RBMS3: variants seen among roughly 807,000 people sequenced by gnomAD.
RBMS3 encodes RNA binding motif single stranded interacting protein 3, also known as RNA-binding motif, single-stranded-interacting protein 3.
RBMS3 carries 27 observed loss-of-function variants against 66.8 expected under a neutral mutation model. That is an observed-to-expected ratio of 0.40 (90% CI 0.30 to 0.56). The LOEUF is 0.56. Among genes scored for constraint, RBMS3 ranks in the 20% least tolerant of loss-of-function variants. RBMS3 has a pLI of 0.40. For synonymous variants in RBMS3, 188 were observed against 183.0 expected, an observed-to-expected ratio of 1.03 and a Z score of -0.22; for missense variants, 513 against 549.5, an observed-to-expected ratio of 0.93 and a Z score of 0.66.
At chr3:29,947,610 C>A (rs1235383051) in intron 12 of RBMS3, among the ~76,000 whole-genome samples, 1 of 151,304 alleles carries the variant, frequency 6.6e-6, no homozygotes, top group Non-Finnish European at 1.5e-5. Context: ...CTGAAACTGC[C>A]CTCTACATTT....
chr3:29,339,540 A>T (rs543188042), intron 1 of RBMS3, among the ~76,000 whole-genome samples: 1 of 152,064 alleles, frequency 6.6e-6, no homozygotes, highest in South Asian at 2.1e-4. Flanking sequence ...TTAACTCCTA[A>T]TGACACTGCA....
intron 1 of RBMS3, among the ~76,000 whole-genome samples, chr3:29,362,915 TTATC>T (rs2037686228): frequency 1.3e-5 from 2 of 152,362 alleles, no homozygotes; most frequent in East Asian, 1.9e-4. Context: ...CCAACATATA[TTATC>T]TATCTATCTA....
Position 29,819,138 on chromosome 3 carries a change from G to A in RBMS3, c.638-49720G>A, listed in dbSNP as rs538872868. 1.8e-4 allele frequency among the ~76,000 whole-genome samples: 28 copies of A among 152,226 alleles called. No homozygotes were observed. In the South Asian group the frequency reaches 2.9e-3, roughly 16 times the overall value. ...ATCAAGTGTTCTATTCTTTTCATCC[G>A]TCAACAGAGGTAGCCAACTACTCTC... is the stretch of plus-strand genomic sequence containing the variant. On this transcript the variant is annotated intron_variant, in intron 6 of 14. Transcript: ENST00000383767.
chr3:29,318,179 CT>C (rs1236249078), intron 1 of RBMS3, among the ~76,000 whole-genome samples: 5 of 151,826 alleles, frequency 3.3e-5, no homozygotes, highest in Non-Finnish European at 5.9e-5. Context: ...TCATAATATT[CT>C]GGTGTCTTCA....
chr3:29,441,214 A>G (rs1311473364), intron 2 of RBMS3, among the ~76,000 whole-genome samples: 2 of 152,182 alleles, frequency 1.3e-5, no homozygotes, highest in African/African-American at 4.8e-5. Context: ...AAGACCCAAA[A>G]CACGATGTTG....
chr3:29,371,662 G>A (rs1186058887), intron 1 of RBMS3, among the ~76,000 whole-genome samples: 1 of 152,204 alleles, frequency 6.6e-6, no homozygotes, highest in East Asian at 1.9e-4. Context: ...TTAAAGGAAG[G>A]TATGACATGG....
chr3:29,357,463 G>T (rs2037294604), intron 1 of RBMS3, among the ~76,000 whole-genome samples: 1 of 152,150 alleles, frequency 6.6e-6, no homozygotes, highest in African/African-American at 2.4e-5. Context: ...GGACATTTGG[G>T]TTGGTTCCAA....
intron 3 of RBMS3, among the ~76,000 whole-genome samples, chr3:29,566,406 T>C (rs1315681319): frequency 1.3e-5 from 2 of 152,048 alleles, no homozygotes; most frequent in African/African-American, 4.8e-5. Context: ...AAGAGTAGCA[T>C]GCAAATTGAT....
chr3:29,798,929 G>GTTTTTTTTTTTTTTTTTTTT (rs368923260), intron 6 of RBMS3, among the ~76,000 whole-genome samples: 1 of 127,662 alleles, frequency 7.8e-6, no homozygotes, highest in African/African-American at 2.9e-5. Context: ...GTACCCTCTG[G>GTTTTTTTTTTTTTTTTTTTT]TTTTTTTTTT....
chr3:29,809,642 A>T (rs940506927), intron 6 of RBMS3, among the ~76,000 whole-genome samples: 1 of 151,902 alleles, frequency 6.6e-6, no homozygotes, highest in Non-Finnish European at 1.5e-5. Flanking sequence ...TTCAGAGCTT[A>T]CATCTTTTGC....
intron 1 of RBMS3, among the ~76,000 whole-genome samples, chr3:29,365,205 A>G (rs2037830307): frequency 1.3e-5 from 2 of 152,140 alleles, no homozygotes; most frequent in South Asian, 4.1e-4. Context: ...TGGCTGCACC[A>G]AATGGAAATT....
chr3:29,976,616 G>A (rs953339455), intron 12 of RBMS3, among the ~76,000 whole-genome samples: 28 of 151,964 alleles, frequency 1.8e-4, no homozygotes, highest in Non-Finnish European at 3.7e-4. Context: ...GACACTCGAC[G>A]CTCAAGGAAA....
At chr3:29,945,712 A>G (rs1399463077) in intron 12 of RBMS3, among the ~76,000 whole-genome samples, 6 of 151,762 alleles carry the variant, frequency 4.0e-5, no homozygotes, top group African/African-American at 7.2e-5. Context: ...TGAAGAAAGC[A>G]AGCAAATCAT....
At chr3:29,879,508 G>A (rs1002278668) in intron 7 of RBMS3, among the ~76,000 whole-genome samples, 1 of 152,014 alleles carries the variant, frequency 6.6e-6, no homozygotes, top group Non-Finnish European at 1.5e-5. Context: ...GACTCAACTT[G>A]TGCTAATTCA....
intron 4 of RBMS3, among the ~76,000 whole-genome samples, chr3:29,702,870 G>C (rs2052690915): frequency 6.6e-6 from 1 of 152,182 alleles, no homozygotes; most frequent in Non-Finnish European, 1.5e-5. Flanking sequence ...CACTCACCGC[G>C]AGGGTCCGCG....
At position 29,328,470 on chromosome 3, in the gene RBMS3, C is replaced by A. The variant is rs560334420; in HGVS notation, c.75+46714C>A. Among the ~76,000 whole-genome samples the A allele has an allele frequency of 6.4e-4, 98 of 152,258 alleles. No individual in the cohort carries two copies. The South Asian group carries it at 7.7e-3, about 12-fold the overall frequency. Reference sequence around the variant, plus strand: ...CATCCCTACCACCCACCCAACCCTTCATCCCAGAATTAGTGTTGGTCTGTT... The same window carrying A: ...CATCCCTACCACCCACCCAACCCTTAATCCCAGAATTAGTGTTGGTCTGTT... On this transcript the variant is annotated intron_variant, in intron 1 of 14. Transcript: ENST00000383767.
At chr3:29,683,467 C>T (rs2051582925) in intron 4 of RBMS3, among the ~76,000 whole-genome samples, 1 of 152,064 alleles carries the variant, frequency 6.6e-6, no homozygotes, top group South Asian at 2.1e-4. Flanking sequence ...GAAGAGAGGA[C>T]TCAGATGAAG....
intron 1 of RBMS3, among the ~76,000 whole-genome samples, chr3:29,343,150 C>T (rs1397348712): frequency 6.6e-6 from 1 of 152,034 alleles, no homozygotes; most frequent in Non-Finnish European, 1.5e-5. Context: ...ATAAAAACAA[C>T]CTAAGGAAGA....
At chr3:29,722,710 A>G (rs555631122) in intron 4 of RBMS3, among the ~76,000 whole-genome samples, 1 of 152,108 alleles carries the variant, frequency 6.6e-6, no homozygotes, top group South Asian at 2.1e-4. Flanking sequence ...GAGCATCCCT[A>G]CCTTAGATCT....
Sources: allele counts gnomAD v4.1 joint callset (sites outside exome capture counted in the v4.1 genomes callset), GRCh38; gene constraint gnomAD v4.1.1; transcripts MANE v1.5; gene names NCBI Gene and HGNC (gene_info 2026-07-23, HGNC 2026-07-21).